VAPB: variants seen among roughly 807,000 people sequenced by gnomAD.
The protein encoded by VAPB is vesicle-associated membrane protein-associated protein B/C.
VAPB carries 7 observed loss-of-function variants against 25.6 expected under a neutral mutation model. The ratio of observed to expected loss-of-function variants is 0.27; its 90% confidence interval spans 0.16 to 0.51. The LOEUF (loss-of-function observed/expected upper bound fraction) is 0.51. VAPB is among the 20% of genes least tolerant of loss of function. The pLI is 0.97. For missense variants in VAPB, 266 were observed against 301.3 expected, an observed-to-expected ratio of 0.88 and a Z score of 0.87; for synonymous variants, 112 against 109.2, an observed-to-expected ratio of 1.03 and a Z score of -0.16.
rs531627410 is a variant in VAPB, at chr20:58,442,512, C to T, written c.573+1429C>T. On this transcript the variant is annotated intron_variant, in intron 5 of 5. Transcript: ENST00000475243. ...AGTTGTTTATCACTGTGCAGTGATA[C>T]GGGCCATGCCCCATGAGCAGAATAT... Among the ~76,000 whole-genome samples the T allele has an allele frequency of 4.6e-5, 7 of 152,120 alleles. No individual in the cohort carries two copies. In the South Asian group the frequency reaches 8.3e-4, roughly 18 times the overall value.
chr20:58,439,257 G>A (rs773708861), intron 4 of VAPB: 1 of 531,856 alleles, frequency 1.9e-6, no homozygotes, highest in Non-Finnish European at 3.4e-6. Flanking sequence ...AGTGCAGCCC[G>A]ATGGCCATTG....
intron 2 of VAPB, among the ~76,000 whole-genome samples, chr20:58,430,521 A>G (rs1222514026): frequency 2.0e-5 from 3 of 152,022 alleles, no homozygotes; most frequent in African/African-American, 4.8e-5. Context: ...TGGCCTCCCA[A>G]AGTTCTGGGA....
At chr20:58,397,301 A>G (rs1312479716) in intron 1 of VAPB, among the ~76,000 whole-genome samples, 3 of 151,816 alleles carry the variant, frequency 2.0e-5, no homozygotes, top group African/African-American at 4.8e-5. Flanking sequence ...AGGCAGATCA[A>G]CTGAGGTCAG....
At chr20:58,419,503 A>G (rs1042497333) in intron 2 of VAPB, among the ~76,000 whole-genome samples, 1 of 152,140 alleles carries the variant, frequency 6.6e-6, no homozygotes, top group South Asian at 2.1e-4. Context: ...CACATGTACT[A>G]TCTCATGTCA....
intron 1 of VAPB, among the ~76,000 whole-genome samples, chr20:58,394,342 G>T (rs972016108): frequency 6.6e-5 from 10 of 152,172 alleles, no homozygotes; most frequent in African/African-American, 2.4e-4. Context: ...AAAATCTAAA[G>T]CCCTGTGGAT....
At chr20:58,397,280 G>A (rs1038066134) in intron 1 of VAPB, among the ~76,000 whole-genome samples, 6 of 152,278 alleles carry the variant, frequency 3.9e-5, no homozygotes, top group Middle Eastern at 3.4e-3. Flanking sequence ...AGCACGTTGG[G>A]AGGCTGAGGC....
intron 1 of VAPB, 141 bp downstream of exon 1, chr20:58,389,658 C>T (rs1198388292): frequency 2.2e-6 from 2 of 892,720 alleles, no homozygotes; most frequent in Non-Finnish European, 3.1e-6. Flanking sequence ...CCGGGCCGGG[C>T]CTTGGCGCTC....
At chr20:58,396,967 A>G (rs1354094146) in intron 1 of VAPB, among the ~76,000 whole-genome samples, 1 of 152,238 alleles carries the variant, frequency 6.6e-6, no homozygotes, top group Non-Finnish European at 1.5e-5. Context: ...GTATCAGCTC[A>G]TTAGAGTTAA....
chr20:58,405,742 CTTTTTTTTTT>C (rs71181964), intron 1 of VAPB, among the ~76,000 whole-genome samples: 9 of 43,468 alleles, frequency 2.1e-4, no homozygotes, highest in East Asian at 9.4e-4. Flanking sequence ...GGCCAGGAGC[CTTTTTTTTTT>C]TTTTTTTTTT....
At chr20:58,438,410 T>C (rs1989092550) in intron 3 of VAPB, among the ~76,000 whole-genome samples, 1 of 152,188 alleles carries the variant, frequency 6.6e-6, no homozygotes, top group South Asian at 2.1e-4. Context: ...CCTGAGTAGC[T>C]GGGACCACAG....
At chr20:58,420,488 C>T (rs1988646245) in intron 2 of VAPB, among the ~76,000 whole-genome samples, 1 of 152,202 alleles carries the variant, frequency 6.6e-6, no homozygotes, top group Non-Finnish European at 1.5e-5. Flanking sequence ...GTCATGGCAG[C>T]ACTGCTATTT....
chr20:58,438,835 A>G (rs1223456032), intron 3 of VAPB, 110 bp from the exon 4 acceptor site: 2 of 897,138 alleles, frequency 2.2e-6, no homozygotes, highest in Non-Finnish European at 3.6e-6. Flanking sequence ...TTTGATATAC[A>G]TCAGGGCTTT....
chr20:58,408,958 T>C (rs191690354), intron 1 of VAPB, among the ~76,000 whole-genome samples: 96 of 127,866 alleles, frequency 7.5e-4, no homozygotes, highest in African/African-American at 2.8e-3. Flanking sequence ...ATATGTCCTA[T>C]GCAGAAGATG....
At chr20:58,421,207 G>A (rs990627489) in intron 2 of VAPB, among the ~76,000 whole-genome samples, 30 of 152,274 alleles carry the variant, frequency 2.0e-4, no homozygotes, top group Non-Finnish European at 8.8e-5. Context: ...CACTTGTAAG[G>A]TAGGGAGAAT....
At chr20:58,431,220 T>C (rs1219217099) in intron 2 of VAPB, 2 of 152,238 alleles carry the variant, frequency 1.3e-5, no homozygotes, top group African/African-American at 4.8e-5. Context: ...CATGCATGGA[T>C]TGTTTGGAAA....
At chr20:58,402,022 TTC>T (rs750746227) in intron 1 of VAPB, among the ~76,000 whole-genome samples, 2 of 152,210 alleles carry the variant, frequency 1.3e-5, no homozygotes, top group Non-Finnish European at 2.9e-5. Flanking sequence ...TGTCCGAGTC[TTC>T]TCTTTCTTTC....
chr20:58,445,835 TC>T lies in VAPB; in HGVS notation c.*1603del, dbSNP rs1300135509. 6.6e-6 allele frequency: 3 copies of T among 453,890 alleles called. No individual in the cohort carries two copies. Among genetic ancestry groups the T allele is most frequent in the Non-Finnish European group, 8.8e-6 (2 of 226,748 alleles). The allele number at this position is 453,890 out of a possible 1,614,324, so 28.1% of individuals were successfully genotyped here. A position where few individuals can be genotyped will look rare whatever the true frequency, so the allele number is the denominator to read the frequency against. ...CTTTGGCCTTCAGTAAAAAGCAGCC[TC>T]CCTTCTAGGTCAGGGAACCATGCCA... On this transcript the variant is annotated 3_prime_UTR_variant, in exon 6 of 6. Coordinates refer to ENST00000475243, the MANE Select transcript of VAPB (RefSeq NM_004738.5).
At chr20:58,422,946 A>G (rs1444518945) in intron 2 of VAPB, among the ~76,000 whole-genome samples, 1 of 152,198 alleles carries the variant, frequency 6.6e-6, no homozygotes, top group African/African-American at 2.4e-5. Flanking sequence ...ACACTTTACT[A>G]AGTGTACCTT....
Position 58,440,969 on chromosome 20 carries a change from G to T in VAPB, c.459G>T (p.Val153=). 1 of 1,614,098 alleles carries T rather than the reference G, an allele frequency of 6.2e-7. No individual in the cohort carries two copies. The highest frequency in any genetic ancestry group is 8.5e-7 in the Non-Finnish European group (1 of 1,180,008). ...TTASKTETPI[V]SKSLSSSLDD... ...CATCAAAGACAGAAACACCAATAGT[G>T]TCTAAGTCTCTGAGTTCTTCTTTGG... Residue 153 remains valine, a synonymous_variant, in exon 5 of 6, where the codon GTG becomes GTT. Coordinates refer to ENST00000475243, the MANE Select transcript of VAPB (RefSeq NM_004738.5).
Sources: allele counts gnomAD v4.1 joint callset (sites outside exome capture counted in the v4.1 genomes callset), GRCh38; gene constraint gnomAD v4.1.1; transcripts MANE v1.5; gene names NCBI Gene and HGNC (gene_info 2026-07-23, HGNC 2026-07-21).